The following CCDC171 variants were observed in gnomAD, a reference collection of about 807,000 sequenced individuals.
The protein encoded by CCDC171 is coiled-coil domain-containing protein 171.
CCDC171 carries 177 observed loss-of-function variants against 168.2 expected under a neutral mutation model. The observed-to-expected ratio is 1.05, with a 90% confidence interval of 0.93 to 1.19. The LOEUF is 1.19. Ranked by LOEUF, CCDC171 falls within the 50% of genes most tolerant of loss-of-function variation. The pLI, the probability that CCDC171 is intolerant of heterozygous loss-of-function variation, is 0.00. For synonymous variants in CCDC171, 687 were observed against 540.8 expected, an observed-to-expected ratio of 1.27 and a Z score of -3.75; for missense variants, 1,991 against 1,539.0, an observed-to-expected ratio of 1.29 and a Z score of -4.91.
chr9:15,686,651 G>A, intron 10 of CCDC171, among the ~76,000 whole-genome samples: 1 of 152,080 alleles, frequency 6.6e-6, no homozygotes, highest in Non-Finnish European at 1.5e-5. Flanking sequence ...GAATAAAAAT[G>A]TTACTAGAGA....
chr9:15,857,971 A>T (rs145490152), intron 23 of CCDC171, among the ~76,000 whole-genome samples: 2 of 151,920 alleles, frequency 1.3e-5, no homozygotes, highest in Non-Finnish European at 2.9e-5. Context: ...GTGTGTATAT[A>T]TGTAGATGTG....
At chr9:15,747,725 A>T (rs528490100) in intron 18 of CCDC171, among the ~76,000 whole-genome samples, 69 of 152,308 alleles carry the variant, frequency 4.5e-4, no homozygotes, top group African/African-American at 1.5e-3. Context: ...GGACATCCAC[A>T]CCAAAACCTC....
chr9:15,899,487 G>A (rs565166972), intron 24 of CCDC171, among the ~76,000 whole-genome samples: 80 of 152,120 alleles, frequency 5.3e-4, no homozygotes, highest in Non-Finnish European at 1.0e-3. Flanking sequence ...CTGCTTCCTC[G>A]CCAGCACTTG....
At chr9:15,833,720 G>C (rs999212232) in intron 21 of CCDC171, among the ~76,000 whole-genome samples, 36 of 152,120 alleles carry the variant, frequency 2.4e-4, no homozygotes, top group Non-Finnish European at 1.8e-4. Context: ...CCTTGCATTA[G>C]ATAAAAATAG....
the CCDC171 span, among the ~76,000 whole-genome samples, chr9:16,098,855 A>G: frequency 6.6e-6 from 1 of 152,316 alleles, no homozygotes; most frequent in Non-Finnish European, 1.5e-5. Flanking sequence ...GGGAGCAATG[A>G]TGGTACAGTG....
rs1190879550 is a variant in CCDC171, at chr9:15,809,516, C to T, written c.3267+24822C>T. ...CTGATGTTTGGACGTGTTTGGAGTT[C>T]TTTTCCTTCTGGTGGGTTCGTGGTC... On this transcript the variant is annotated intron_variant, in intron 21 of 25. Transcript: ENST00000380701. 3.9e-5 allele frequency among the ~76,000 whole-genome samples: 6 copies of T among 152,044 alleles called. No individual in the cohort carries two copies. The East Asian group carries it at 1.2e-3, about 29-fold the overall frequency.
intron 25 of CCDC171, among the ~76,000 whole-genome samples, chr9:15,944,646 GT>G (rs552955569): frequency 1.3e-5 from 2 of 152,122 alleles, no homozygotes; most frequent in South Asian, 4.2e-4. Context: ...AGGCATGCGG[GT>G]TTAAATGAAA....
At chr9:15,964,251 T>C (rs756206052) in intron 25 of CCDC171, among the ~76,000 whole-genome samples, 1 of 152,228 alleles carries the variant, frequency 6.6e-6, no homozygotes, top group Non-Finnish European at 1.5e-5. Flanking sequence ...TTAATTGATT[T>C]TCATGAGCCT....
At chr9:15,868,951 T>C (rs533092208) in intron 23 of CCDC171, among the ~76,000 whole-genome samples, 1 of 152,150 alleles carries the variant, frequency 6.6e-6, no homozygotes, top group Admixed American at 6.6e-5. Flanking sequence ...TATTTGCATA[T>C]AATCTATGCA....
chr9:15,906,217 C>T (rs1369052898), intron 24 of CCDC171, among the ~76,000 whole-genome samples: 1 of 152,128 alleles, frequency 6.6e-6, no homozygotes, highest in Admixed American at 6.5e-5. Flanking sequence ...AGAGACACAA[C>T]CCAAAAAGAG....
chr9:15,559,327 G>A (rs979870536), intron 1 of CCDC171, among the ~76,000 whole-genome samples: 1 of 152,226 alleles, frequency 6.6e-6, no homozygotes. Context: ...AATGTTTACA[G>A]TGGGGTTTTA....
rs754593075 is a variant in CCDC171, at chr9:15,610,444, T to TAAAAAAAAAAA, written c.676-12796_676-12786dup. On this transcript the variant is annotated intron_variant, in intron 6 of 25. Transcript: ENST00000380701. Reference sequence around the variant, plus strand: ...CAACATGGTGAAACCCCATCTCAACTAAAAAAAAAAAAAAAAAAAAAAAAA... The same window carrying TAAAAAAAAAAA: ...CAACATGGTGAAACCCCATCTCAACTAAAAAAAAAAAAAAAAAAAAAAAAAAAAAAAAAAAA... Among the ~76,000 whole-genome samples the TAAAAAAAAAAA allele has an allele frequency of 1.3e-3, 17 of 12,722 alleles. 4 individuals carry two copies. Among genetic ancestry groups the TAAAAAAAAAAA allele is most frequent in the South Asian group, 4.6e-3 (1 of 218 alleles). The allele number at this position is 12,722 out of a possible 152,430, so 8.3% of individuals were successfully genotyped here. A position where few individuals can be genotyped will look rare whatever the true frequency, so the allele number is the denominator to read the frequency against.
chr9:15,861,899 C>G (rs1380596036), intron 23 of CCDC171, among the ~76,000 whole-genome samples: 1 of 151,906 alleles, frequency 6.6e-6, no homozygotes, highest in Non-Finnish European at 1.5e-5. Context: ...GAAGAACTGC[C>G]TTTAGCGCTC....
chr9:15,980,670 A>G (rs1309419945), intron 3 of CCDC171, among the ~76,000 whole-genome samples: 1 of 151,792 alleles, frequency 6.6e-6, no homozygotes, highest in Non-Finnish European at 1.5e-5. Flanking sequence ...TCTAAGATTT[A>G]CCATTCTGTA....
intron 24 of CCDC171, among the ~76,000 whole-genome samples, chr9:15,914,249 C>T (rs1340292594): frequency 6.6e-6 from 1 of 152,118 alleles, no homozygotes; most frequent in Non-Finnish European, 1.5e-5. Flanking sequence ...CCCACAGCTG[C>T]CCCCCTTCCC....
At chr9:15,914,805 G>T (rs3008691) in intron 24 of CCDC171, among the ~76,000 whole-genome samples, 6 of 152,058 alleles carry the variant, frequency 3.9e-5, no homozygotes, top group East Asian at 1.9e-4. Flanking sequence ...CTCCTGGTCT[G>T]GGTTGTGAAG....
chr9:16,040,632 A>C (rs990081066), upstream of CCDC171, among the ~76,000 whole-genome samples: 1 of 152,250 alleles, frequency 6.6e-6, no homozygotes, highest in Non-Finnish European at 1.5e-5. Context: ...CTGTCCGAGC[A>C]GAGGGTTAAA....
At chr9:16,059,505 CTTTTTTTTTTTTTT>C (rs869212886) in intron 1 of CCDC171, among the ~76,000 whole-genome samples, 10 of 101,434 alleles carry the variant, frequency 9.9e-5, no homozygotes, top group East Asian at 2.8e-4. Flanking sequence ...TTTTTTTTTT[CTTTTTTTTTTTTTT>C]TTTTTTGAGA....
Position 15,727,851 on chromosome 9 carries a change from C to CTTT in CCDC171, c.1693-10_1693-8dup. The CTTT allele has an allele frequency of 2.9e-6, 4 of 1,362,170 alleles. No homozygotes were observed. The highest frequency in any genetic ancestry group is 2.0e-5 in the Admixed American group (1 of 49,258). The allele number at this position is 1,362,170 out of a possible 1,614,324, so 84.4% of individuals were successfully genotyped here. On this transcript the variant is annotated splice_polypyrimidine_tract_variant and intron_variant, in intron 14 of 25. Transcript: ENST00000380701. ...TGTTTATATACAGCAATTAATTTTT[C>CTTT]TTTTTTTTTTCCTGCAGGAGAAGCT... is the stretch of plus-strand genomic sequence containing the variant.
Sources: gnomAD v4.1 joint callset for allele counts (sites outside exome capture counted in the v4.1 genomes callset) on GRCh38, gnomAD v4.1.1 for gene constraint, MANE v1.5 for transcripts, NCBI Gene and HGNC (gene_info 2026-07-23, HGNC 2026-07-21) for gene names.